The following CYBC1 variants were observed in gnomAD, a reference collection of about 807,000 sequenced individuals.
The protein encoded by CYBC1 is cytochrome b-245 chaperone 1, also known as essential for reactive oxygen species protein.
A neutral mutation model predicts 21.7 loss-of-function variants in CYBC1; 22 were observed. That is an observed-to-expected ratio of 1.02 (90% CI 0.73 to 1.45). The LOEUF is 1.45. Ranked by LOEUF, CYBC1 falls within the 40% of genes most tolerant of loss-of-function variation. CYBC1 has a pLI of 0.00. For synonymous variants in CYBC1, 112 were observed against 98.7 expected, an observed-to-expected ratio of 1.13 and a Z score of -0.80; for missense variants, 237 against 242.1, an observed-to-expected ratio of 0.98 and a Z score of 0.14.
chr17:82,444,134 GC>G lies in CYBC1; in HGVS notation c.444-11del. The G allele has an allele frequency of 6.2e-7, 1 of 1,607,298 alleles. No individual in the cohort carries two copies. Among genetic ancestry groups the G allele is most frequent in the Non-Finnish European group, 8.5e-7 (1 of 1,175,368 alleles). ...GATGGCTTCCACATCACTGGGCGAG[GC>G]CGGCAACGGGAGGAAGGTCAGGTCA... On this transcript the variant is annotated splice_polypyrimidine_tract_variant and intron_variant, in intron 6 of 6. Transcript: ENST00000306645.
chr17:82,446,245 C>G (rs1048808285), intron 4 of CYBC1, among the ~76,000 whole-genome samples: 6 of 152,150 alleles, frequency 3.9e-5, no homozygotes, highest in African/African-American at 4.8e-5. Context: ...AACCAGCAAA[C>G]GAGGGCATGG....
In CYBC1 at chr17:82,444,217, C is replaced by A. The variant is rs2054133249; in HGVS notation, c.444-93G>T. The A allele has an allele frequency of 2.0e-6, 3 of 1,531,748 alleles. No homozygotes were observed. The African/African-American group carries it at 4.1e-5, about 21-fold the overall frequency. 94.9% of individuals were successfully genotyped at this position (1,531,748 alleles called of 1,614,324 possible). On this transcript the variant is annotated intron_variant, in intron 6 of 6. Transcript: ENST00000306645. The stretch of plus-strand genomic sequence containing the variant: ...CAGTCTCCTCCTCGACCACCTACCT[C>A]CCGCAGACCCTGGAGCTCCCAAACT...
intron 2 of CYBC1, chr17:82,448,074 C>T (rs1238392538): frequency 8.2e-6 from 2 of 243,986 alleles, no homozygotes; most frequent in South Asian, 4.4e-5. Context: ...AATTACAACA[C>T]AGCGTGTCAT....
chr17:82,449,256 C>A lies in CYBC1; in HGVS notation c.-2G>T, dbSNP rs747210616. 1.3e-6 allele frequency: 2 copies of A among 1,564,534 alleles called. No homozygotes were observed. Among genetic ancestry groups the A allele is most frequent in the Non-Finnish European group, 1.7e-6 (2 of 1,155,746 alleles). On this transcript the variant is annotated 5_prime_UTR_variant, in exon 2 of 7. Coordinates refer to ENST00000306645, the MANE Select transcript of CYBC1 (RefSeq NM_001033046.4). ...GCGGGTCTCCACCTGCAGGTACATCCCGAGAGGGCAGCACCACTCTCTACA... is the reference window on the plus strand; with the variant it reads ...GCGGGTCTCCACCTGCAGGTACATCACGAGAGGGCAGCACCACTCTCTACA...
At position 82,444,568 on chromosome 17, in the gene CYBC1, G is replaced by A. The variant is rs1270148549; in HGVS notation, c.322C>T (p.Arg108Cys). The change falls in exon 6 of 7, where the codon CGT becomes TGT. Residue 108 changes from arginine to cysteine, a missense_variant. By Grantham distance (180) the Arg-to-Cys change is radical. Coordinates refer to ENST00000306645, the MANE Select transcript of CYBC1 (RefSeq NM_001033046.4). ...TTCTCCTCCTCCACGCTCACATCAC[G>A]GACATCATGGAGCAGGACCACCACT... ...DQVVVLLHDV[R>C]DVSVEEEKVR... 4 of 1,612,606 alleles carry A rather than the reference G, an allele frequency of 2.5e-6. No homozygotes were observed. The highest frequency in any genetic ancestry group is 2.2e-5 in the South Asian group (2 of 90,984).
chr17:82,448,346 C>T (rs9912718), intron 2 of CYBC1: 6,212 of 64,892 alleles, frequency 0.096, 110 homozygotes, highest in East Asian at 0.19. Context: ...GTGAGTCCTA[C>T]GAAGAGGTCT....
At chr17:82,446,157 T>C (rs1599781533) in intron 4 of CYBC1, among the ~76,000 whole-genome samples, 197 bp from the exon 5 acceptor site, 1 of 152,018 alleles carries the variant, frequency 6.6e-6, no homozygotes, top group African/African-American at 2.4e-5. Context: ...CCGACTCCTG[T>C]TGGGAAATGG....
chr17:82,447,417 C>T (rs1486409131), intron 3 of CYBC1, 163 bp downstream of exon 3: 1 of 669,844 alleles, frequency 1.5e-6, no homozygotes, highest in Non-Finnish European at 2.7e-6. Context: ...TGCGGAAGAA[C>T]AGCAGCGCAT....
rs758799783 is a variant in CYBC1 at position 82,443,764 on chromosome 17, G to A, written c.*240C>T. The A allele has an allele frequency of 3.2e-6, 3 of 947,390 alleles. No homozygotes were observed. In the South Asian group the frequency reaches 3.9e-5, roughly 12 times the overall value. 58.7% of individuals were successfully genotyped at this position (947,390 alleles called of 1,614,324 possible). A position where few individuals can be genotyped will look rare whatever the true frequency, so the allele number is the denominator to read the frequency against. ...GGCTGGAGGCACCAACTGAAGCCAAGGCCACGGGTCCTGTGGGCGGTGCAC... is the reference window on the plus strand; with the variant it reads ...GGCTGGAGGCACCAACTGAAGCCAAAGCCACGGGTCCTGTGGGCGGTGCAC... On this transcript the variant is annotated 3_prime_UTR_variant, in exon 7 of 7. Transcript: ENST00000306645. This position sits in a 1 kb window ranked among gnomAD's most constrained non-coding sequence, Gnocchi z 6.7.
At chr17:82,446,752 GC>G (rs2143726764) in intron 3 of CYBC1, 56 bp from the exon 4 acceptor site, 2 of 1,556,858 alleles carry the variant, frequency 1.3e-6, no homozygotes, top group Admixed American at 1.7e-5. Flanking sequence ...CCCACGGGAG[GC>G]CCCGCCTAGC....
Position 82,442,598 on chromosome 17 carries a change from A to G in CYBC1, c.*1406T>C, listed in dbSNP as rs375716688. The G allele has an allele frequency of 4.5e-6, 7 of 1,562,892 alleles. No individual in the cohort carries two copies. The highest frequency in any genetic ancestry group is 3.6e-5 in the Admixed American group (2 of 55,528). ...CAGGGAGACCCGCTTTGTGATCTGCATGTGTGACACTGATTCTTTGGAAAT... is the reference window on the plus strand; with the variant it reads ...CAGGGAGACCCGCTTTGTGATCTGCGTGTGTGACACTGATTCTTTGGAAAT... On this transcript the variant is annotated 3_prime_UTR_variant, in exon 7 of 7. Coordinates refer to ENST00000306645, the MANE Select transcript of CYBC1 (RefSeq NM_001033046.4). This position sits in a 1 kb window ranked among gnomAD's most constrained non-coding sequence, Gnocchi z 6.8.
intron 6 of CYBC1, 140 bp downstream of exon 6, chr17:82,444,307 A>G: frequency 7.0e-7 from 1 of 1,433,226 alleles, no homozygotes; most frequent in Non-Finnish European, 9.3e-7. Flanking sequence ...CTGAGCCTGC[A>G]CACGCTTCCC....
intron 1 of CYBC1, chr17:82,450,245 G>A (rs1008504535): frequency 1.3e-5 from 2 of 152,258 alleles, no homozygotes; most frequent in Non-Finnish European, 2.9e-5. Flanking sequence ...TCGTGCCACT[G>A]GACTCCAGCC....
chr17:82,446,998 C>T (rs952776377), intron 3 of CYBC1: 1 of 484,392 alleles, frequency 2.1e-6, no homozygotes, highest in Non-Finnish European at 3.7e-6. Context: ...ACAGCTGGAT[C>T]TTAGATCCTC....
intron 1 of CYBC1, 165 bp downstream of exon 1, chr17:82,450,535 G>A (rs899198992): frequency 5.9e-5 from 9 of 152,188 alleles, no homozygotes; most frequent in African/African-American, 2.2e-4. Context: ...GGGCCAACCT[G>A]CAGCGGAACA....
At position 82,446,636 on chromosome 17, in the gene CYBC1, A is replaced by G; in HGVS notation, c.188T>C (p.Leu63Ser). ...TGCLFVAVQN[L>S]EDWEEAIFDK... The stretch of plus-strand genomic sequence containing the variant: ...AGCCGGCCTTACCTCCCAGTCCTCC[A>G]AGTTCTGCACAGCCACAAACAGGCA... The change falls in exon 4 of 7, where the codon TTG becomes TCG. Residue 63 changes from leucine to serine, a missense_variant. Transcript: ENST00000306645. 6.2e-7 allele frequency: 1 copy of G among 1,614,092 alleles called. No homozygotes were observed. The highest frequency in any genetic ancestry group is 8.5e-7 in the Non-Finnish European group (1 of 1,179,990).
At chr17:82,447,552 TG>T (rs751595888) in intron 3 of CYBC1, 27 bp downstream of exon 3, 43 of 456,152 alleles carry the variant, frequency 9.4e-5, no homozygotes, top group African/African-American at 1.9e-4. Flanking sequence ...GAGACAGTCA[TG>T]GGGGGGTGGG....
intron 4 of CYBC1, 62 bp from the exon 5 acceptor site, chr17:82,446,022 G>C (rs2054268348): frequency 7.4e-7 from 1 of 1,358,688 alleles, no homozygotes; most frequent in East Asian, 2.3e-5. Context: ...GTGGCCGCTG[G>C]GGCCTCACCC....
In CYBC1 at chr17:82,444,521, G is replaced by T. The variant is rs960259529; in HGVS notation, c.369C>A (p.Gly123=). 2 of 1,614,100 alleles carry T rather than the reference G, an allele frequency of 1.2e-6. No individual in the cohort carries two copies. The change falls in exon 6 of 7, where the codon GGC becomes GGA. Residue 123 remains glycine (G), a synonymous_variant. Transcript: ENST00000306645. ...TCGCAAGCCGGAGCACCACCATGTAGCCTTTCCCGAAGTACCGGACCTTCT... is the reference window on the plus strand; with the variant it reads ...TCGCAAGCCGGAGCACCACCATGTATCCTTTCCCGAAGTACCGGACCTTCT... ...EEEKVRYFGK[G]YMVVLRLATG...
Sources: gnomAD v4.1 joint callset for allele counts (sites outside exome capture counted in the v4.1 genomes callset) on GRCh38, gnomAD v4.1.1 for gene constraint, Gnocchi (gnomAD v3.1) non-coding constraint, MANE v1.5 for transcripts, NCBI Gene and HGNC (gene_info 2026-07-23, HGNC 2026-07-21) for gene names.